Variants in PPM1D observed in about 807,000 individuals in gnomAD.
The protein encoded by PPM1D is protein phosphatase 1D.
A neutral mutation model predicts 58.3 loss-of-function variants in PPM1D; 52 were observed. The ratio of observed to expected loss-of-function variants is 0.89; its 90% CI spans 0.71 to 1.12. The LOEUF (loss-of-function observed/expected upper bound fraction) is 1.12. Among genes scored for constraint, PPM1D ranks in the 50% most tolerant of loss-of-function variants. The pLI is 0.00. For synonymous variants in PPM1D, 278 were observed against 285.1 expected (o/e 0.98, Z 0.25); for missense variants, 564 against 777.2 (o/e 0.73, Z 3.26).
At chr17:60,641,559 G>A (rs1350214083) in intron 3 of PPM1D, among the ~76,000 whole-genome samples, 2 of 152,106 alleles carry the variant, frequency 1.3e-5, no homozygotes, top group African/African-American at 4.8e-5. Context: ...TCTGTTGATA[G>A]CTTCTTTTGC....
chr17:60,627,955 G>A (rs9899747), intron 2 of PPM1D, among the ~76,000 whole-genome samples: 3,701 of 150,714 alleles, frequency 0.025, 154 homozygotes, highest in African/African-American at 0.086. Context: ...GCACGATCTC[G>A]TCTCACCGCA....
chr17:60,659,150 A>T (rs1283831859), intron 5 of PPM1D, among the ~76,000 whole-genome samples: 1 of 152,176 alleles, frequency 6.6e-6, no homozygotes, highest in East Asian at 1.9e-4. Flanking sequence ...CTAACAAAAG[A>T]CAGATTTCTG....
At chr17:60,615,815 A>C (rs2030571365) in intron 1 of PPM1D, among the ~76,000 whole-genome samples, 1 of 148,620 alleles carries the variant, frequency 6.7e-6, no homozygotes, top group African/African-American at 2.5e-5. Flanking sequence ...CCGCGCCTGC[A>C]CCTCCCTCCC....
At chr17:60,645,104 A>G (rs2031208775) in intron 3 of PPM1D, among the ~76,000 whole-genome samples, 2 of 152,190 alleles carry the variant, frequency 1.3e-5, no homozygotes, top group Admixed American at 1.3e-4. Context: ...CTGTAATCCT[A>G]GCACTTTGGG....
At position 60,663,015 on chromosome 17, in the gene PPM1D, G is replaced by A. The variant is rs1064797099; in HGVS notation, c.1281G>A (p.Trp427Ter). Reference protein sequence around the residue: ...PPVKSLEEDPWPRVNSKDHIP... With the variant: ...PPVKSLEEDP Reference sequence around the variant, plus strand: ...TTCAGTCACTGGAGGAGGATCCATGGCCAAGGGTGAATTCTAAGGACCATA... The same window carrying A: ...TTCAGTCACTGGAGGAGGATCCATGACCAAGGGTGAATTCTAAGGACCATA... The change falls in exon 6 of 6, where the codon TGG becomes TGA. Residue 427 changes from tryptophan (W) to a stop codon, truncating the protein, a stop_gained. Transcript: ENST00000305921. LOFTEE classifies it high-confidence loss of function. The A allele has an allele frequency of 2.5e-6, 4 of 1,610,472 alleles. No homozygotes were observed. Among genetic ancestry groups the A allele is most frequent in the Non-Finnish European group, 3.4e-6 (4 of 1,178,262 alleles).
intron 5 of PPM1D, among the ~76,000 whole-genome samples, chr17:60,657,356 T>C (rs1331386664): frequency 1.3e-5 from 2 of 152,350 alleles, no homozygotes; most frequent in Non-Finnish European, 2.9e-5. Context: ...GTTTAAGATA[T>C]GCTTTGAAAT....
chr17:60,617,601 A>G (rs1371996095), intron 1 of PPM1D, among the ~76,000 whole-genome samples: 1 of 151,762 alleles, frequency 6.6e-6, no homozygotes, highest in East Asian at 1.9e-4. Flanking sequence ...GCTAGTAAAC[A>G]CCCCAAATAA....
rs963029498 is a variant in PPM1D, at chr17:60,664,206, T to C, written c.*654T>C. 4 of 152,688 alleles carry C rather than the reference T, an allele frequency of 2.6e-5. No individual in the cohort carries two copies. The South Asian group carries it at 6.2e-4, about 24-fold the overall frequency. The allele number at this position is 152,688 out of a possible 1,614,324, so 9.5% of individuals were successfully genotyped here. ...TTTCTAAAACCTTAGTCATCAGATA[T>C]GCTTACTAAATCTTCAGCATAGAAG... On this transcript the variant is annotated 3_prime_UTR_variant, in exon 6 of 6. Transcript: ENST00000305921.
intron 1 of PPM1D, among the ~76,000 whole-genome samples, chr17:60,621,714 C>T (rs905996638): frequency 2.6e-5 from 4 of 150,980 alleles, no homozygotes; most frequent in Non-Finnish European, 4.4e-5. Context: ...GCTGGGACTA[C>T]GGGCACCTGC....
intron 3 of PPM1D, among the ~76,000 whole-genome samples, chr17:60,642,254 T>A (rs771120939): frequency 6.7e-6 from 1 of 148,446 alleles, no homozygotes; most frequent in Admixed American, 6.7e-5. Flanking sequence ...AACTTGAGCA[T>A]CAAAACAAAT....
chr17:60,641,818 G>C (rs2031138890), intron 3 of PPM1D, among the ~76,000 whole-genome samples: 1 of 152,186 alleles, frequency 6.6e-6, no homozygotes, highest in Non-Finnish European at 1.5e-5. Flanking sequence ...CACTCAAAGG[G>C]GTGCTGAAAT....
rs1396922985 is a variant in PPM1D at position 60,664,123 on chromosome 17, TAC to T, written c.*573_*574del. 6.5e-6 allele frequency: 1 copy of T among 154,090 alleles called. No individual in the cohort carries two copies. 9.5% of individuals were successfully genotyped at this position (154,090 alleles called of 1,614,324 possible). On this transcript the variant is annotated 3_prime_UTR_variant, in exon 6 of 6. Transcript: ENST00000305921. ...TTTTCATAGAAGTGTTGAGCCATGC[TAC>T]AGTTAGTCTTGTCCCAATTAAAATA...
intron 3 of PPM1D, among the ~76,000 whole-genome samples, chr17:60,638,979 T>C (rs1233828704): frequency 6.6e-6 from 1 of 152,168 alleles, no homozygotes; most frequent in Admixed American, 6.6e-5. Flanking sequence ...TTTTATTCAC[T>C]GGGGAGATAA....
chr17:60,633,527 T>C (rs967002637), intron 2 of PPM1D, among the ~76,000 whole-genome samples: 1 of 152,108 alleles, frequency 6.6e-6, no homozygotes, highest in Non-Finnish European at 1.5e-5. Flanking sequence ...TCTCTCCACT[T>C]AGATAAGGCC....
intron 5 of PPM1D, 130 bp from the exon 6 acceptor site, chr17:60,662,865 A>G: frequency 1.3e-6 from 1 of 790,400 alleles, no homozygotes; most frequent in East Asian, 2.5e-5. Flanking sequence ...TAGAAGGTGA[A>G]CGAATTAGTG....
Position 60,644,695 on chromosome 17 carries a change from C to G in PPM1D, c.827-3197C>G, listed in dbSNP as rs562004844. On this transcript the variant is annotated intron_variant, in intron 3 of 5. Transcript: ENST00000305921. Reference sequence around the variant, plus strand: ...CTCTATCCACAGATTCCAACACTATCTGCATAAAAAATCCCAGATAATCTT... The same window carrying G: ...CTCTATCCACAGATTCCAACACTATGTGCATAAAAAATCCCAGATAATCTT... 1.3e-4 allele frequency among the ~76,000 whole-genome samples: 20 copies of G among 152,270 alleles called. 1 individual carries two copies. Among genetic ancestry groups the G allele is most frequent in the Admixed American group, 4.6e-4 (7 of 15,298 alleles).
chr17:60,615,837 C>A (rs550179697), intron 1 of PPM1D, among the ~76,000 whole-genome samples: 3 of 151,648 alleles, frequency 2.0e-5, no homozygotes, highest in Non-Finnish European at 4.4e-5. Flanking sequence ...CTTTTTTAAG[C>A]GACAGGATCT....
At chr17:60,620,697 A>T (rs1304468277) in intron 1 of PPM1D, among the ~76,000 whole-genome samples, 1 of 151,832 alleles carries the variant, frequency 6.6e-6, no homozygotes, top group Non-Finnish European at 1.5e-5. Context: ...TTTAGTAGAG[A>T]CAGGCTTTCA....
At chr17:60,612,531 G>A (rs1313215109) in intron 1 of PPM1D, among the ~76,000 whole-genome samples, 1 of 152,156 alleles carries the variant, frequency 6.6e-6, no homozygotes, top group African/African-American at 2.4e-5. Flanking sequence ...CTGTCCTTGT[G>A]TGTAGGAATT....
Sources: gnomAD v4.1 joint callset for allele counts (sites outside exome capture counted in the v4.1 genomes callset) on GRCh38, gnomAD v4.1.1 for gene constraint, MANE v1.5 for transcripts, NCBI Gene and HGNC (gene_info 2026-07-23, HGNC 2026-07-21) for gene names.